Variants in NCKAP5 observed in about 807,000 individuals in gnomAD.
NCKAP5 encodes the protein NCK associated protein 5.
A neutral mutation model predicts 167.0 loss-of-function variants in NCKAP5; 92 were observed. The ratio of observed to expected loss-of-function variants is 0.55; its 90% CI spans 0.47 to 0.66. The LOEUF (loss-of-function observed/expected upper bound fraction) is 0.66. NCKAP5 is among the 30% of genes least tolerant of loss of function. The pLI, the probability that NCKAP5 is intolerant of heterozygous loss-of-function variation, is 0.00. For synonymous variants in NCKAP5, 891 were observed against 877.4 expected (o/e 1.02, Z -0.27); for missense variants, 2,378 against 2,315.0 (o/e 1.03, Z -0.56).
chr2:133,053,729 G>A (rs929580415), intron 6 of NCKAP5, among the ~76,000 whole-genome samples: 3 of 152,076 alleles, frequency 2.0e-5, no homozygotes, highest in African/African-American at 7.2e-5. Context: ...AGCAAGCTCC[G>A]GTTCCTGGTG....
chr2:133,543,549 T>C (rs1686404187), intron 2 of NCKAP5, among the ~76,000 whole-genome samples: 1 of 152,212 alleles, frequency 6.6e-6, no homozygotes, highest in East Asian at 1.9e-4. Context: ...TTCAGTCTGA[T>C]ATTATCACTC....
intron 4 of NCKAP5, among the ~76,000 whole-genome samples, chr2:133,243,387 G>T (rs2087818804): frequency 6.6e-6 from 1 of 152,160 alleles, no homozygotes; most frequent in Non-Finnish European, 1.5e-5. Flanking sequence ...ATCTATGGAA[G>T]AACTAGGCCC....
chr2:133,350,170 G>T (rs533813327), intron 3 of NCKAP5, among the ~76,000 whole-genome samples: 29 of 152,098 alleles, frequency 1.9e-4, no homozygotes, highest in Non-Finnish European at 3.4e-4. Context: ...CCAGAACTTT[G>T]GGAGCCTGAG....
At chr2:133,106,426 A>G (rs2081703290) in intron 6 of NCKAP5, among the ~76,000 whole-genome samples, 1 of 152,118 alleles carries the variant, frequency 6.6e-6, no homozygotes, top group Non-Finnish European at 1.5e-5. Context: ...ACCCTTTAGT[A>G]GGCAACAGGA....
intron 3 of NCKAP5, among the ~76,000 whole-genome samples, chr2:133,516,654 AC>A (rs1684027833): frequency 6.6e-6 from 1 of 152,184 alleles, no homozygotes; most frequent in Non-Finnish European, 1.5e-5. Flanking sequence ...AGTTCATTGA[AC>A]CCCCACTCTG....
intron 4 of NCKAP5, among the ~76,000 whole-genome samples, chr2:133,286,320 A>G (rs1679137514): frequency 6.6e-6 from 1 of 152,224 alleles, no homozygotes; most frequent in African/African-American, 2.4e-5. Context: ...TTAACCACAA[A>G]TAAAGTCTTG....
intron 3 of NCKAP5, among the ~76,000 whole-genome samples, chr2:133,330,999 T>G (rs933331671): frequency 1.3e-5 from 2 of 152,226 alleles, no homozygotes; most frequent in African/African-American, 4.8e-5. Context: ...CACTGTACCA[T>G]GTGCTATTAT....
At chr2:132,996,636 G>T (rs2077609325) in intron 6 of NCKAP5, among the ~76,000 whole-genome samples, 1 of 152,140 alleles carries the variant, frequency 6.6e-6, no homozygotes, top group Non-Finnish European at 1.5e-5. Flanking sequence ...TTTTGTATAT[G>T]CAGGTCTTAT....
At chr2:133,377,146 T>C (rs1201134168) in intron 3 of NCKAP5, among the ~76,000 whole-genome samples, 1 of 152,220 alleles carries the variant, frequency 6.6e-6, no homozygotes, top group African/African-American at 2.4e-5. Flanking sequence ...CTGGACTCTC[T>C]CATTCATTTG....
At chr2:132,968,318 A>C (rs1022160150) in intron 7 of NCKAP5, among the ~76,000 whole-genome samples, 3 of 152,236 alleles carry the variant, frequency 2.0e-5, no homozygotes, top group African/African-American at 7.2e-5. Flanking sequence ...AAGTCTTTAT[A>C]CAGAAGGAAA....
At chr2:133,202,745 T>G (rs2085757408) in intron 5 of NCKAP5, among the ~76,000 whole-genome samples, 1 of 152,178 alleles carries the variant, frequency 6.6e-6, no homozygotes, top group Non-Finnish European at 1.5e-5. Flanking sequence ...CAACAAACAC[T>G]TCTCAAAAGA....
chr2:133,126,804 T>C (rs1009904359), intron 6 of NCKAP5, among the ~76,000 whole-genome samples: 11 of 152,208 alleles, frequency 7.2e-5, no homozygotes, highest in Admixed American at 4.6e-4. Flanking sequence ...CTAAATTACA[T>C]GCTCATACTC....
chr2:133,295,526 G>T (rs761164617), intron 4 of NCKAP5, among the ~76,000 whole-genome samples: 4 of 152,038 alleles, frequency 2.6e-5, no homozygotes, highest in Non-Finnish European at 5.9e-5. Context: ...ACATAGTGAC[G>T]CAGAGTATTG....
At chr2:133,415,699 G>A (rs1689069215) in intron 3 of NCKAP5, among the ~76,000 whole-genome samples, 1 of 152,180 alleles carries the variant, frequency 6.6e-6, no homozygotes, top group Non-Finnish European at 1.5e-5. Flanking sequence ...CCCCAACATA[G>A]AGCTTGACCT....
Position 132,783,290 on chromosome 2 carries a change from C to T in NCKAP5, c.3521G>A (p.Ser1174Asn). 6.2e-7 allele frequency: 1 copy of T among 1,613,946 alleles called. No individual in the cohort carries two copies. The highest frequency in any genetic ancestry group is 2.2e-5 in the East Asian group (1 of 44,858). Residue 1174 changes from serine to asparagine, a missense_variant, in exon 14 of 20, where the codon AGT (serine) becomes AAT (asparagine). Physicochemically the swap from Ser to Asn is conservative, Grantham distance 46 (BLOSUM62 1). Around this residue, in one of 3 missense-constraint regions of NCKAP5, gnomAD observed 1,325 missense variants for 1,274.5 expected, o/e 1.04. Coordinates refer to ENST00000409261, the MANE Select transcript of NCKAP5 (RefSeq NM_207363.3). ...GGAACTTTTGGAGGCTTCATTTAAACTGTCTTTTTCATGTTTCCCTGGCAC... is the reference window on the plus strand; with the variant it reads ...GGAACTTTTGGAGGCTTCATTTAAATTGTCTTTTTCATGTTTCCCTGGCAC... ...STVPGKHEKD[S>N]LNEASKSSVA... is the part of the protein sequence containing the mutation.
intron 3 of NCKAP5, among the ~76,000 whole-genome samples, chr2:133,429,228 T>C (rs957682338): frequency 1.3e-5 from 2 of 152,132 alleles, no homozygotes; most frequent in Admixed American, 1.3e-4. Flanking sequence ...GATGTTATGT[T>C]AAAAAAGCAA....
In NCKAP5 at chr2:132,782,725, A is replaced by G. The variant is rs539411500; in HGVS notation, c.4086T>C (p.His1362=). ...TCAAAGGCAACTTACTTGGGCTCCCATGCTGACTGCTGAAGCTGCCTGAGC... is the reference window on the plus strand; with the variant it reads ...TCAAAGGCAACTTACTTGGGCTCCCGTGCTGACTGCTGAAGCTGCCTGAGC... ...LGSSGSFSSQ[H]GSPSKLPLRI... The change falls in exon 14 of 20, where the codon CAT becomes CAC. Residue 1362 remains histidine (H), a synonymous_variant. Coordinates refer to ENST00000409261, the MANE Select transcript of NCKAP5 (RefSeq NM_207363.3). 1 of 1,613,982 alleles carries G rather than the reference A, an allele frequency of 6.2e-7. No individual in the cohort carries two copies. The highest frequency in any genetic ancestry group is 1.7e-5 in the Admixed American group (1 of 60,028).
chr2:133,586,096 G>A, the NCKAP5 span, among the ~76,000 whole-genome samples: 1 of 152,302 alleles, frequency 6.6e-6, no homozygotes, highest in East Asian at 1.9e-4. Flanking sequence ...TTAGCATAAA[G>A]TTCATTAGGA....
intron 8 of NCKAP5, among the ~76,000 whole-genome samples, chr2:132,950,517 G>A (rs1242237991): frequency 6.6e-6 from 1 of 152,120 alleles, no homozygotes; most frequent in African/African-American, 2.4e-5. Flanking sequence ...GGTCATAAAT[G>A]GGATGTGCAT....
Sources: allele counts gnomAD v4.1 joint callset (sites outside exome capture counted in the v4.1 genomes callset), GRCh38; gene constraint gnomAD v4.1.1; regional missense constraint gnomAD v4.1.1; transcripts MANE v1.5; gene names NCBI Gene and HGNC (gene_info 2026-07-23, HGNC 2026-07-21).